ANKS1A: variants seen among roughly 807,000 people sequenced by gnomAD.
ANKS1A encodes ankyrin repeat and SAM domain-containing protein 1A.
In ANKS1A, 55 loss-of-function variants were observed where a neutral mutation model predicts 120.3. The observed-to-expected ratio is 0.46, with a 90% CI of 0.37 to 0.57. ANKS1A has a LOEUF of 0.57. ANKS1A is among the 20% of genes least tolerant of loss of function. The pLI, the probability that ANKS1A is intolerant of heterozygous loss-of-function variation, is 0.00. For missense variants in ANKS1A, 1,123 were observed against 1,480.3 expected, an observed-to-expected ratio of 0.76 and a Z score of 3.96; for synonymous variants, 590 against 604.7, an observed-to-expected ratio of 0.98 and a Z score of 0.36.
chr6:35,006,974 G>A (rs1435652571), intron 10 of ANKS1A, among the ~76,000 whole-genome samples: 2 of 151,920 alleles, frequency 1.3e-5, no homozygotes, highest in Non-Finnish European at 2.9e-5. Flanking sequence ...GTGAGACCCT[G>A]TTCTCCACAA....
At chr6:34,993,547 G>A (rs1435228395) in intron 9 of ANKS1A, among the ~76,000 whole-genome samples, 1 of 152,230 alleles carries the variant, frequency 6.6e-6, no homozygotes, top group African/African-American at 2.4e-5. Context: ...GAGATTGGTG[G>A]AAGTAATTTA....
chr6:35,071,601 G>T lies in ANKS1A; in HGVS notation c.2185-6957G>T, dbSNP rs191040739. Among the ~76,000 whole-genome samples, 328 of 152,162 alleles carry T rather than the reference G, an allele frequency of 2.2e-3. 1 individual carries two copies. Among genetic ancestry groups the T allele is most frequent in the African/African-American group, 6.9e-3 (285 of 41,492 alleles). On this transcript the variant is annotated intron_variant, in intron 13 of 23. Transcript: ENST00000360359. Reference sequence around the variant, plus strand: ...TGGGATCCCCTTGGCCTAGAGGGGGGGTCCATTCAGTTTCCTGGGGGGCTG... The same window carrying T: ...TGGGATCCCCTTGGCCTAGAGGGGGTGTCCATTCAGTTTCCTGGGGGGCTG...
Position 35,060,330 on chromosome 6 carries a change from C to A in ANKS1A, c.2184+77C>A. ...GCCTCCCTGGCCTCCCCTCTGGCCC[C>A]ACAGGAGTCTGCAACAGTACGTAGA... is the stretch of plus-strand genomic sequence containing the variant. On this transcript the variant is annotated intron_variant, in intron 13 of 23. Coordinates refer to ENST00000360359, the MANE Select transcript of ANKS1A (RefSeq NM_015245.3). The surrounding 1 kb of genome is among the most constrained non-coding windows in gnomAD (Gnocchi z 4.5). The A allele has an allele frequency of 7.7e-7, 1 of 1,306,186 alleles. No homozygotes were observed. Among genetic ancestry groups the A allele is most frequent in the Non-Finnish European group, 1.1e-6 (1 of 924,866 alleles). 80.9% of individuals were successfully genotyped at this position (1,306,186 alleles called of 1,614,324 possible).
Position 35,090,422 on chromosome 6 carries a change from A to G in ANKS1A, c.*1813A>G, listed in dbSNP as rs1387117293. 2 of 1,198,102 alleles carry G rather than the reference A, an allele frequency of 1.7e-6. No homozygotes were observed. The highest frequency in any genetic ancestry group is 5.8e-5 in the East Asian group (1 of 17,242). 74.2% of individuals were successfully genotyped at this position (1,198,102 alleles called of 1,614,324 possible). On this transcript the variant is annotated 3_prime_UTR_variant, in exon 24 of 24. Coordinates refer to ENST00000360359, the MANE Select transcript of ANKS1A (RefSeq NM_015245.3). ...TCGGGGGCGGGGCGGTAGGTCCGAA[A>G]GAAACCGCAGACACTACGATGCACT...
chr6:34,991,539 T>TACACACAC (rs1309916304), intron 9 of ANKS1A, among the ~76,000 whole-genome samples: 19 of 85,112 alleles, frequency 2.2e-4, no homozygotes, highest in South Asian at 3.6e-4. Context: ...AAAAAAAATA[T>TACACACAC]ATACACACAC....
At chr6:34,900,151 G>A (rs1382631804) in intron 1 of ANKS1A, among the ~76,000 whole-genome samples, 1 of 152,200 alleles carries the variant, frequency 6.6e-6, no homozygotes, top group African/African-American at 2.4e-5. Context: ...AGATGAAGAA[G>A]CAAAAGTTAA....
chr6:35,054,095 T>G lies in ANKS1A; in HGVS notation c.2011-4T>G. The G allele has an allele frequency of 6.2e-7, 1 of 1,613,512 alleles. No individual in the cohort carries two copies. Among genetic ancestry groups the G allele is most frequent in the Non-Finnish European group, 8.5e-7 (1 of 1,179,488 alleles). ...TCTCCTCTTTGTTCTTTCTTCCATT[T>G]CAGATTGAGAAAATCATGAGTTCTA... On this transcript the variant is annotated splice_polypyrimidine_tract_variant and splice_region_variant and intron_variant, in intron 11 of 23. Transcript: ENST00000360359.
At chr6:35,067,527 G>A (rs1375488109) in intron 13 of ANKS1A, among the ~76,000 whole-genome samples, 4 of 152,206 alleles carry the variant, frequency 2.6e-5, no homozygotes, top group African/African-American at 7.2e-5. Flanking sequence ...AGTGACGGGC[G>A]TGCTTGAGTT....
intron 13 of ANKS1A, among the ~76,000 whole-genome samples, chr6:35,070,422 G>A (rs184914254): frequency 2.5e-4 from 38 of 151,328 alleles, no homozygotes; most frequent in Non-Finnish European, 4.6e-4. Context: ...TTGCCTCTAA[G>A]GGTGAATCAC....
At position 34,889,449 on chromosome 6, in the gene ANKS1A, TC is replaced by T; in HGVS notation, c.50del (p.Pro17ArgfsTer57). ...CTGGAGGCGGCCCGCACCGGGCACC[TC>T]CCGGCGGTGGAGAAGCTGCTGTCCG... Reference protein sequence around the residue: ...ELLEAARTGHLPAVEKLLSGK... With the variant: ...ELLEAARTGHXPAVEKLLSGK... On this transcript the variant is annotated frameshift_variant, in exon 1 of 24. Transcript: ENST00000360359. LOFTEE classifies it high-confidence loss of function. The surrounding 1 kb of genome is among the most constrained non-coding windows in gnomAD (Gnocchi z 5.5). 1 of 1,285,904 alleles carries T rather than the reference TC, an allele frequency of 7.8e-7. No homozygotes were observed. The allele number at this position is 1,285,904 out of a possible 1,614,324, so 79.7% of individuals were successfully genotyped here. A position where few individuals can be genotyped will look rare whatever the true frequency, so the allele number is the denominator to read the frequency against.
chr6:34,977,494 C>T (rs149595947), intron 3 of ANKS1A, among the ~76,000 whole-genome samples: 219 of 151,860 alleles, frequency 1.4e-3, no homozygotes, highest in Non-Finnish European at 1.5e-3. Flanking sequence ...ATCTTTCTGT[C>T]ATTTGAAAGG....
chr6:34,906,732 C>T (rs1158768395), intron 1 of ANKS1A, among the ~76,000 whole-genome samples: 2 of 152,202 alleles, frequency 1.3e-5, no homozygotes, highest in Non-Finnish European at 2.9e-5. Flanking sequence ...TATATGGCTT[C>T]AAAGTATCTT....
At chr6:35,076,691 T>C (rs1222785200) in intron 13 of ANKS1A, among the ~76,000 whole-genome samples, 7 of 152,192 alleles carry the variant, frequency 4.6e-5, no homozygotes, top group Non-Finnish European at 7.3e-5. Flanking sequence ...TGCAGTGGCG[T>C]GATCTCGGCT....
intron 13 of ANKS1A, among the ~76,000 whole-genome samples, chr6:35,066,776 G>GA (rs2127595562): frequency 6.6e-6 from 1 of 152,276 alleles, no homozygotes; most frequent in South Asian, 2.1e-4. Flanking sequence ...TATGGGATAG[G>GA]AAAGCAGAGA....
chr6:34,975,441 G>A (rs1342529635), intron 3 of ANKS1A, among the ~76,000 whole-genome samples: 4 of 118,368 alleles, frequency 3.4e-5, no homozygotes, highest in Non-Finnish European at 5.7e-5. Flanking sequence ...GCAACAGAGT[G>A]AGACTCAAAA....
In ANKS1A at chr6:35,071,909, C is replaced by A. The variant is rs113087151; in HGVS notation, c.2185-6649C>A. Among the ~76,000 whole-genome samples the A allele has an allele frequency of 7.9e-3, 1,205 of 152,314 alleles. 5 individuals are homozygous for A. Among genetic ancestry groups the A allele is most frequent in the South Asian group, 0.017 (83 of 4,830 alleles). On this transcript the variant is annotated intron_variant, in intron 13 of 23. Coordinates refer to ENST00000360359, the MANE Select transcript of ANKS1A (RefSeq NM_015245.3). The stretch of plus-strand genomic sequence containing the variant: ...GGGAGAGGGAGTCCAAGGCCCAGGC[C>A]GGCCCCTCCCCATCTGGGGCTGCCC...
At position 34,905,644 on chromosome 6, in the gene ANKS1A, T is replaced by C. The variant is rs192129212; in HGVS notation, c.197+16045T>C. ...GAGCTTAACTGACTGCTTTTTGTCA[T>C]TGTTTTGCTTGTGAATAACATTGTT... On this transcript the variant is annotated intron_variant, in intron 1 of 23. Coordinates refer to ENST00000360359, the MANE Select transcript of ANKS1A (RefSeq NM_015245.3). 2.5e-3 allele frequency among the ~76,000 whole-genome samples: 376 copies of C among 152,352 alleles called. 2 individuals are homozygous for C. Among genetic ancestry groups the C allele is most frequent in the Non-Finnish European group, 2.3e-3 (156 of 68,028 alleles).
At chr6:34,939,945 T>C (rs1769446823) in intron 1 of ANKS1A, among the ~76,000 whole-genome samples, 1 of 152,196 alleles carries the variant, frequency 6.6e-6, no homozygotes, top group African/African-American at 2.4e-5. Context: ...TCCCAGCCAT[T>C]GTGGGCAGTG....
At chr6:34,916,291 C>T (rs1768160941) in intron 1 of ANKS1A, among the ~76,000 whole-genome samples, 2 of 152,160 alleles carry the variant, frequency 1.3e-5, no homozygotes, top group South Asian at 2.1e-4. Context: ...CTGCGCCCAG[C>T]CCATGTCTGC....
Sources: allele counts gnomAD v4.1 joint callset (sites outside exome capture counted in the v4.1 genomes callset), GRCh38; gene constraint gnomAD v4.1.1; non-coding constraint Gnocchi (gnomAD v3.1); transcripts MANE v1.5; gene names NCBI Gene and HGNC (gene_info 2026-07-23, HGNC 2026-07-21).